PLA2G4A: variants seen among roughly 807,000 people sequenced by gnomAD.
The protein encoded by PLA2G4A is cytosolic phospholipase A2.
In PLA2G4A, 40 loss-of-function variants were observed where a neutral mutation model predicts 81.9. That is an observed-to-expected ratio of 0.49 (90% CI 0.38 to 0.64). The LOEUF (loss-of-function observed/expected upper bound fraction) is 0.64. Among genes scored for constraint, PLA2G4A ranks in the 30% least tolerant of loss-of-function variants. The pLI, the probability that PLA2G4A is intolerant of heterozygous loss-of-function variation, is 0.00. For missense variants in PLA2G4A, 715 were observed against 905.1 expected (o/e 0.79, Z 2.69); for synonymous variants, 302 against 296.9 (o/e 1.02, Z -0.18).
At chr1:186,960,458 C>T (rs754369939) in intron 14 of PLA2G4A, among the ~76,000 whole-genome samples, 6 of 152,242 alleles carry the variant, frequency 3.9e-5, no homozygotes, top group South Asian at 2.1e-4. Flanking sequence ...AAACCTTGTA[C>T]GTTTTAAATT....
chr1:186,856,807 C>T (rs1652569531), intron 2 of PLA2G4A, among the ~76,000 whole-genome samples: 2 of 151,358 alleles, frequency 1.3e-5, no homozygotes, highest in African/African-American at 4.9e-5. Flanking sequence ...CAGCATAGAC[C>T]TGAAGGTTAG....
chr1:186,885,298 G>A (rs1324776327), intron 3 of PLA2G4A, among the ~76,000 whole-genome samples: 1 of 152,204 alleles, frequency 6.6e-6, no homozygotes. Context: ...AACAAACAAG[G>A]AGATCAGAGA....
chr1:186,889,265 A>C (rs1463996559), intron 3 of PLA2G4A, among the ~76,000 whole-genome samples: 1 of 152,354 alleles, frequency 6.6e-6, no homozygotes, highest in African/African-American at 2.4e-5. Flanking sequence ...TGTCTAAAAT[A>C]GGATATCAAA....
chr1:186,961,857 A>G (rs1656958175), intron 14 of PLA2G4A, among the ~76,000 whole-genome samples: 1 of 152,224 alleles, frequency 6.6e-6, no homozygotes. Flanking sequence ...TCAAGGTTTC[A>G]GTTTCCTCAG....
intron 2 of PLA2G4A, among the ~76,000 whole-genome samples, chr1:186,862,462 T>A (rs1652845860): frequency 6.6e-6 from 1 of 152,104 alleles, no homozygotes; most frequent in Admixed American, 6.6e-5. Flanking sequence ...TCCACCTTCC[T>A]CAGTTTCCCA....
chr1:186,829,968 T>A (rs78430599), intron 1 of PLA2G4A, among the ~76,000 whole-genome samples: 4,839 of 152,276 alleles, frequency 0.032, 245 homozygotes, highest in African/African-American at 0.11. Context: ...ATAATTTGAG[T>A]TCAAAGAAGA....
At chr1:186,982,634 A>G (rs1391448594) in intron 17 of PLA2G4A, among the ~76,000 whole-genome samples, 1 of 152,062 alleles carries the variant, frequency 6.6e-6, no homozygotes, top group African/African-American at 2.4e-5. Context: ...TTCCTGAATT[A>G]TATGAACATT....
At chr1:186,912,869 G>A (rs1335424792) in intron 7 of PLA2G4A, among the ~76,000 whole-genome samples, 4 of 145,712 alleles carry the variant, frequency 2.7e-5, no homozygotes, top group Non-Finnish European at 6.0e-5. Flanking sequence ...TATATATAAG[G>A]CATACTTACG....
intron 8 of PLA2G4A, among the ~76,000 whole-genome samples, chr1:186,937,123 A>G (rs752263691): frequency 4.6e-5 from 7 of 151,742 alleles, no homozygotes; most frequent in Non-Finnish European, 8.8e-5. Context: ...TGTGAATTCT[A>G]AGGAATATGT....
chr1:186,968,400 A>ATG (rs58475951), intron 15 of PLA2G4A, among the ~76,000 whole-genome samples: 55 of 137,498 alleles, frequency 4.0e-4, no homozygotes, highest in Non-Finnish European at 6.2e-4. Context: ...CGCGGTGTGT[A>ATG]TGTGTGTGTG....
At chr1:186,914,903 T>C (rs1343325268) in intron 7 of PLA2G4A, among the ~76,000 whole-genome samples, 5 of 152,184 alleles carry the variant, frequency 3.3e-5, no homozygotes, top group Non-Finnish European at 4.4e-5. Context: ...ACCCATGTCT[T>C]CTTGCAAGAC....
intron 4 of PLA2G4A, 38 bp from the exon 5 acceptor site, chr1:186,894,060 G>C: frequency 1.2e-6 from 1 of 836,156 alleles, no homozygotes; most frequent in Non-Finnish European, 2.1e-6. Flanking sequence ...AAGATCCATG[G>C]GAAATTTTAT....
chr1:186,858,290 A>G (rs1652666825), intron 2 of PLA2G4A, among the ~76,000 whole-genome samples: 2 of 151,954 alleles, frequency 1.3e-5, no homozygotes. Flanking sequence ...GTTTTTTATG[A>G]TTGTCATTCT....
chr1:186,854,136 G>A, intron 1 of PLA2G4A, 150 bp from the exon 2 acceptor site: 3 of 429,178 alleles, frequency 7.0e-6, no homozygotes, highest in Non-Finnish European at 1.2e-5. Flanking sequence ...TCTAAGTGAT[G>A]TGTGATAACC....
chr1:186,848,100 G>A (rs1334565090), intron 1 of PLA2G4A, among the ~76,000 whole-genome samples: 1 of 152,008 alleles, frequency 6.6e-6, no homozygotes, highest in Admixed American at 6.6e-5. Flanking sequence ...AGATGCACTG[G>A]GGCTGTGGAA....
chr1:186,924,437 C>G lies in PLA2G4A; in HGVS notation c.559-8326C>G, dbSNP rs60803971. On this transcript the variant is annotated intron_variant, in intron 7 of 17. Coordinates refer to ENST00000367466, the MANE Select transcript of PLA2G4A (RefSeq NM_024420.3). ...TCCTTACATTTTGAAACATTGTCTACTCTTCACTTACTCCCTTTTCACGGT... is the reference window on the plus strand; with the variant it reads ...TCCTTACATTTTGAAACATTGTCTAGTCTTCACTTACTCCCTTTTCACGGT... Among the ~76,000 whole-genome samples the G allele has an allele frequency of 5.4e-3, 826 of 152,316 alleles. 6 individuals are homozygous for G. The highest frequency in any genetic ancestry group is 0.019 in the African/African-American group (794 of 41,566).
At chr1:186,941,980 C>T (rs1322604190) in intron 10 of PLA2G4A, among the ~76,000 whole-genome samples, 1 of 152,030 alleles carries the variant, frequency 6.6e-6, no homozygotes, top group Non-Finnish European at 1.5e-5. Flanking sequence ...TAATAAGTTT[C>T]CAGTACATTT....
At chr1:186,969,134 A>T (rs1003636971) in intron 15 of PLA2G4A, among the ~76,000 whole-genome samples, 1 of 151,362 alleles carries the variant, frequency 6.6e-6, no homozygotes, top group African/African-American at 2.4e-5. Context: ...TTGTATTGGG[A>T]CTTTTGTTGT....
intron 3 of PLA2G4A, among the ~76,000 whole-genome samples, chr1:186,880,203 A>G (rs1354760903): frequency 3.9e-5 from 6 of 152,032 alleles, no homozygotes; most frequent in Non-Finnish European, 8.8e-5. Flanking sequence ...TGCTGCCAAT[A>G]AGAGAAGACT....
Sources: allele counts gnomAD v4.1 joint callset (sites outside exome capture counted in the v4.1 genomes callset), GRCh38; gene constraint gnomAD v4.1.1; transcripts MANE v1.5; gene names NCBI Gene and HGNC (gene_info 2026-07-23, HGNC 2026-07-21).